Variants in PLEKHA7 observed in about 807,000 individuals in gnomAD.
The protein encoded by PLEKHA7 is pleckstrin homology domain containing A7, also known as pleckstrin homology domain-containing family A member 7.
Under a neutral mutation model 170.0 loss-of-function variants are expected in PLEKHA7, and 104 were observed. That is an observed-to-expected ratio of 0.61 (90% CI 0.52 to 0.72). The LOEUF (loss-of-function observed/expected upper bound fraction) is 0.72, where lower values mean the gene tolerates loss of function less well. PLEKHA7 is among the 30% of genes least tolerant of loss of function. PLEKHA7 has a pLI of 0.00. For missense variants in PLEKHA7, 1,615 were observed against 1,671.7 expected, an observed-to-expected ratio of 0.97 and a Z score of 0.59; for synonymous variants, 648 against 660.8, an observed-to-expected ratio of 0.98 and a Z score of 0.30.
chr11:16,871,581 G>T (rs909572641), intron 3 of PLEKHA7, among the ~76,000 whole-genome samples: 3 of 152,166 alleles, frequency 2.0e-5, no homozygotes, highest in Non-Finnish European at 2.9e-5. Context: ...CCAAATCCAT[G>T]AATCTAGCAA....
chr11:16,966,641 G>A (rs1862391413), intron 3 of PLEKHA7, among the ~76,000 whole-genome samples: 1 of 152,042 alleles, frequency 6.6e-6, no homozygotes, highest in Non-Finnish European at 1.5e-5. Context: ...ACACCACTCA[G>A]AATCCAAGTG....
In PLEKHA7 at chr11:16,789,334, G is replaced by T. The variant is rs1849629657; in HGVS notation, c.3157-38C>A. On this transcript the variant is annotated intron_variant, in intron 22 of 26. Coordinates refer to ENST00000531066, the MANE Select transcript of PLEKHA7 (RefSeq NM_001329630.2). The surrounding 1 kb of genome is among the most constrained non-coding windows in gnomAD (Gnocchi z 4.6). Reference sequence around the variant, plus strand: ...AGGCAGGCAAGAGAGACACAGAACAGCTGGGCTGGGCACGCAGAGGACAGC... The same window carrying T: ...AGGCAGGCAAGAGAGACACAGAACATCTGGGCTGGGCACGCAGAGGACAGC... 6.3e-7 allele frequency: 1 copy of T among 1,598,678 alleles called. No individual in the cohort carries two copies. Among genetic ancestry groups the T allele is most frequent in the East Asian group, 2.2e-5 (1 of 44,760 alleles).
At chr11:16,924,368 T>G (rs1859328318) in intron 3 of PLEKHA7, among the ~76,000 whole-genome samples, 1 of 152,208 alleles carries the variant, frequency 6.6e-6, no homozygotes, top group Non-Finnish European at 1.5e-5. Context: ...CCGAGGGCAC[T>G]GGCGGAGCAC....
chr11:16,827,198 T>A (rs534849146), intron 9 of PLEKHA7, among the ~76,000 whole-genome samples: 1 of 152,250 alleles, frequency 6.6e-6, no homozygotes, highest in African/African-American at 2.4e-5. Context: ...TAATTAACAC[T>A]CTTCAAAGAT....
chr11:16,844,284 A>G (rs1392849003), intron 8 of PLEKHA7, among the ~76,000 whole-genome samples: 1 of 152,198 alleles, frequency 6.6e-6, no homozygotes, highest in Admixed American at 6.5e-5. Flanking sequence ...AGTTACATCC[A>G]CCATTACGAA....
intron 3 of PLEKHA7, among the ~76,000 whole-genome samples, chr11:16,872,896 G>T (rs1365988524): frequency 6.6e-6 from 1 of 152,004 alleles, no homozygotes; most frequent in Non-Finnish European, 1.5e-5. Context: ...GATAAAAGGT[G>T]AACAAAAAGT....
chr11:16,813,665 A>G (rs1849539081), intron 12 of PLEKHA7, among the ~76,000 whole-genome samples: 1 of 152,184 alleles, frequency 6.6e-6, no homozygotes, highest in Admixed American at 6.5e-5. Context: ...GGAGGTCCCA[A>G]TACGACCTTG....
intron 3 of PLEKHA7, among the ~76,000 whole-genome samples, chr11:16,890,351 G>A (rs1856530127): frequency 6.6e-6 from 1 of 152,032 alleles, no homozygotes; most frequent in Admixed American, 6.6e-5. Flanking sequence ...GATACAGGCT[G>A]GTGGAATGGA....
At chr11:16,781,945 G>A (rs148380516) in intron 26 of PLEKHA7, among the ~76,000 whole-genome samples, 4 of 152,218 alleles carry the variant, frequency 2.6e-5, no homozygotes, top group Non-Finnish European at 5.9e-5. Context: ...AGTGGCCTCT[G>A]CACTGGGGGA....
intron 4 of PLEKHA7, among the ~76,000 whole-genome samples, chr11:16,863,490 C>A (rs1412810985): frequency 1.3e-5 from 2 of 152,152 alleles, no homozygotes; most frequent in Admixed American, 6.5e-5. Context: ...TCTCAGCACA[C>A]AAGCGGGCCC....
chr11:16,995,064 T>C (rs954751130), intron 3 of PLEKHA7, among the ~76,000 whole-genome samples: 15 of 152,234 alleles, frequency 9.9e-5, no homozygotes, highest in African/African-American at 3.4e-4. Flanking sequence ...GTACTTTCTA[T>C]ATTCAAGACT....
At chr11:16,864,477 T>C (rs1427372063) in intron 4 of PLEKHA7, among the ~76,000 whole-genome samples, 1 of 152,252 alleles carries the variant, frequency 6.6e-6, no homozygotes, top group Admixed American at 6.5e-5. Flanking sequence ...CAAGGGATGC[T>C]ATAAACTGTC....
intron 3 of PLEKHA7, among the ~76,000 whole-genome samples, chr11:16,983,656 C>T (rs112644141): frequency 1.4e-3 from 214 of 152,350 alleles, no homozygotes; most frequent in African/African-American, 5.0e-3. Flanking sequence ...TCCACTGCCG[C>T]ACCACCACGC....
chr11:16,803,419 T>A, intron 13 of PLEKHA7, 124 bp from the exon 14 acceptor site: 7 of 975,650 alleles, frequency 7.2e-6, no homozygotes, highest in Non-Finnish European at 1.1e-5. Flanking sequence ...GGTCATAGTA[T>A]GAGAGGGACA....
chr11:16,790,774 A>G (rs1375327157), intron 21 of PLEKHA7, 24 bp downstream of exon 21: 1 of 1,598,646 alleles, frequency 6.3e-7, no homozygotes, highest in Non-Finnish European at 8.5e-7. Flanking sequence ...TCCCAGAGAA[A>G]CTCCAGGGAG....
chr11:16,854,625 G>A (rs976274903), intron 6 of PLEKHA7, among the ~76,000 whole-genome samples: 4 of 152,208 alleles, frequency 2.6e-5, no homozygotes, highest in Non-Finnish European at 4.4e-5. Flanking sequence ...CCCACACTGC[G>A]GCCTGGGCCC....
chr11:16,824,978 A>G (rs991134905), intron 10 of PLEKHA7, among the ~76,000 whole-genome samples: 1 of 152,234 alleles, frequency 6.6e-6, no homozygotes, highest in Non-Finnish European at 1.5e-5. Context: ...AAATGTGAAC[A>G]AACAGGATTG....
chr11:17,014,042 C>T lies in PLEKHA7; in HGVS notation c.168G>A (p.Leu56=). 1 of 1,561,780 alleles carries T rather than the reference C, an allele frequency of 6.4e-7. No individual in the cohort carries two copies. The highest frequency in any genetic ancestry group is 1.4e-5 in the African/African-American group (1 of 73,602). ...VNSGHMIRSD[L]PRGWEEGFTE... ...TGAAGCCCTCCTCCCAGCCGCGGGG[C>T]AGGTCTGCGGAAACGCCAGAAAAGT... is the stretch of plus-strand genomic sequence containing the variant. Residue 56 remains leucine, a synonymous_variant, in exon 3 of 27, where the codon CTG becomes CTA. Coordinates refer to ENST00000531066, the MANE Select transcript of PLEKHA7 (RefSeq NM_001329630.2).
At position 16,817,458 on chromosome 11, in the gene PLEKHA7, G is replaced by A. The variant is rs150241923; in HGVS notation, c.1344-136C>T. 3.6e-5 allele frequency: 29 copies of A among 810,104 alleles called. No individual in the cohort carries two copies. Among genetic ancestry groups the A allele is most frequent in the Middle Eastern group, 4.7e-4 (2 of 4,224 alleles). 50.2% of individuals were successfully genotyped at this position (810,104 alleles called of 1,614,324 possible). On this transcript the variant is annotated intron_variant, in intron 10 of 26. Coordinates refer to ENST00000531066, the MANE Select transcript of PLEKHA7 (RefSeq NM_001329630.2). This position sits in a 1 kb window ranked among gnomAD's most constrained non-coding sequence, Gnocchi z 4.4. The stretch of plus-strand genomic sequence containing the variant: ...GAACCTCAAAAGAATGATCAAGGCC[G>A]ACATCCAGGACTTCAGTCACTTCCC...
Sources: gnomAD v4.1 joint callset for allele counts (sites outside exome capture counted in the v4.1 genomes callset) on GRCh38, gnomAD v4.1.1 for gene constraint, Gnocchi (gnomAD v3.1) non-coding constraint, MANE v1.5 for transcripts, NCBI Gene and HGNC (gene_info 2026-07-23, HGNC 2026-07-21) for gene names.